The following GPHN variants were observed in gnomAD, a reference collection of about 807,000 sequenced individuals.
GPHN encodes the protein gephyrin.
GPHN carries 17 observed loss-of-function variants against 95.5 expected under a neutral mutation model. That is an observed-to-expected ratio of 0.18 (90% CI 0.12 to 0.27). GPHN has a LOEUF of 0.27. GPHN is among the 10% of genes least tolerant of loss of function. The pLI, the probability that GPHN is intolerant of heterozygous loss-of-function variation, is 1.00. For synonymous variants in GPHN, 320 were observed against 322.5 expected (o/e 0.99, Z 0.08); for missense variants, 660 against 978.1 (o/e 0.67, Z 4.34).
chr14:67,063,908 T>C (rs550951743), intron 11 of GPHN, among the ~76,000 whole-genome samples: 10 of 152,362 alleles, frequency 6.6e-5, no homozygotes, highest in African/African-American at 2.4e-4. Context: ...CTTTTCCTAA[T>C]TGAATACCTT....
rs896032245 is a variant in GPHN at position 66,795,329 on chromosome 14, T to A, written c.201+18808T>A. Among the ~76,000 whole-genome samples, 7 of 152,176 alleles carry A rather than the reference T, an allele frequency of 4.6e-5. 1 individual carries two copies. Among genetic ancestry groups the A allele is most frequent in the African/African-American group, 1.4e-4 (6 of 41,440 alleles). ...TTCTCATTTCACCCTTGTCATTAAATTTTAAATGTAAATGACTCTTGTAAA... is the reference window on the plus strand; with the variant it reads ...TTCTCATTTCACCCTTGTCATTAAAATTTAAATGTAAATGACTCTTGTAAA... On this transcript the variant is annotated intron_variant, in intron 3 of 22. Transcript: ENST00000478722.
At chr14:67,033,791 G>C (rs1282758755) in intron 10 of GPHN, among the ~76,000 whole-genome samples, 1 of 148,760 alleles carries the variant, frequency 6.7e-6, no homozygotes, top group East Asian at 2.0e-4. Context: ...TAATGAAACT[G>C]TCAAAAATCA....
the GPHN span, among the ~76,000 whole-genome samples, chr14:67,475,237 C>T: frequency 3.3e-5 from 5 of 152,290 alleles, no homozygotes; most frequent in South Asian, 6.2e-4. Flanking sequence ...CTTTTAAAGG[C>T]GGAATCATAT....
chr14:67,383,863 A>G, the GPHN span: 2 of 237,152 alleles, frequency 8.4e-6, no homozygotes, highest in East Asian at 1.1e-4. Flanking sequence ...ATATTTAACT[A>G]TAGGCTTCTT....
intron 1 of GPHN, among the ~76,000 whole-genome samples, chr14:66,591,047 G>C (rs564456537): frequency 2.0e-5 from 3 of 152,130 alleles, no homozygotes; most frequent in Admixed American, 6.5e-5. Context: ...CCGAAGCAAC[G>C]ATGAAAACCA....
chr14:66,824,487 A>T lies in GPHN; in HGVS notation c.215A>T (p.Asp72Val). The change falls in exon 4 of 23, where the codon GAT (aspartate) becomes GTT (valine). Residue 72 changes from aspartate to valine, a missense_variant. By Grantham distance (152) the Asp-to-Val change is radical (BLOSUM62 -3). Transcript: ENST00000478722. ...EIEEIKETLI[D>V]WCDEKELNLI... ...GTTTTCTTTCAGGAAACCCTGATAG[A>T]TTGGTGTGATGAAAAGGAACTTAAT... The T allele has an allele frequency of 6.3e-7, 1 of 1,578,516 alleles. No individual in the cohort carries two copies. Among genetic ancestry groups the T allele is most frequent in the East Asian group, 2.2e-5 (1 of 44,568 alleles).
At chr14:67,465,378 G>A in the GPHN span, among the ~76,000 whole-genome samples, 1 of 129,172 alleles carries the variant, frequency 7.7e-6, no homozygotes, top group East Asian at 2.0e-4. Context: ...GATGGCACAG[G>A]GCTGGGGCAG....
intron 4 of GPHN, among the ~76,000 whole-genome samples, chr14:66,851,344 T>A (rs1039935458): frequency 2.0e-5 from 3 of 151,994 alleles, no homozygotes; most frequent in African/African-American, 7.2e-5. Flanking sequence ...CACTACAGAT[T>A]ACTTTTTTTT....
the GPHN span, among the ~76,000 whole-genome samples, chr14:67,513,634 G>A: frequency 6.6e-6 from 1 of 152,218 alleles, no homozygotes; most frequent in Non-Finnish European, 1.5e-5. Flanking sequence ...CTAGAGCAAA[G>A]TGTCCTGACA....
chr14:67,301,345 C>A, the GPHN span: 1 of 1,390,640 alleles, frequency 7.2e-7, no homozygotes, highest in Non-Finnish European at 1.0e-6. Context: ...GCTACTGATA[C>A]TTCCTATAAT....
chr14:67,396,909 C>T, the GPHN span, among the ~76,000 whole-genome samples: 4 of 151,962 alleles, frequency 2.6e-5, no homozygotes, highest in African/African-American at 9.7e-5. Context: ...TGTCTTGGCA[C>T]ATGATGGGCC....
chr14:67,199,078 T>C, the GPHN span: 2 of 942,342 alleles, frequency 2.1e-6, no homozygotes, highest in South Asian at 1.3e-5. Flanking sequence ...ACCAGGCCGA[T>C]CTCCGAGCGG....
chr14:67,306,247 G>A, the GPHN span, among the ~76,000 whole-genome samples: 2 of 152,116 alleles, frequency 1.3e-5, no homozygotes, highest in Admixed American at 1.3e-4. Context: ...TGGGATTACA[G>A]GCATGAGCCA....
chr14:67,734,851 C>T, the GPHN span, among the ~76,000 whole-genome samples: 1 of 152,210 alleles, frequency 6.6e-6, no homozygotes, highest in Non-Finnish European at 1.5e-5. Context: ...AAGGAGGCTC[C>T]ACTTGCAGAA....
chr14:67,568,063 A>G, the GPHN span, among the ~76,000 whole-genome samples: 19 of 152,166 alleles, frequency 1.2e-4, no homozygotes, highest in African/African-American at 4.1e-4. Context: ...GTTGGGCTAA[A>G]TAGGCTTTGT....
intron 3 of GPHN, 35 bp downstream of exon 3, chr14:66,776,556 T>C (rs764103633): frequency 8.0e-7 from 1 of 1,245,184 alleles, no homozygotes; most frequent in South Asian, 1.2e-5. Context: ...TACAAACATT[T>C]AGCATCTTGG....
At chr14:67,690,248 T>C in the GPHN span, 270 of 1,613,936 alleles carry the variant, frequency 1.7e-4, 2 homozygotes, top group East Asian at 2.1e-3. Flanking sequence ...GTGAAGAGGA[T>C]GTTGGCTAGC....
intron 4 of GPHN, among the ~76,000 whole-genome samples, chr14:66,856,141 G>A (rs935363683): frequency 6.6e-6 from 1 of 152,064 alleles, no homozygotes; most frequent in East Asian, 1.9e-4. Context: ...CCTTATAACA[G>A]TTCAAATGTA....
At chr14:66,571,101 G>A (rs187114348) in intron 1 of GPHN, among the ~76,000 whole-genome samples, 6 of 152,306 alleles carry the variant, frequency 3.9e-5, no homozygotes, top group African/African-American at 1.4e-4. Context: ...AAGGAAAGAG[G>A]TTTAATTGTC....
Sources: allele counts gnomAD v4.1 joint callset (sites outside exome capture counted in the v4.1 genomes callset), GRCh38; gene constraint gnomAD v4.1.1; transcripts MANE v1.5; gene names NCBI Gene and HGNC (gene_info 2026-07-23, HGNC 2026-07-21).